The following CC2D2A variants were observed in gnomAD, a reference collection of about 807,000 sequenced individuals.
CC2D2A encodes coiled-coil and C2 domain containing 2A.
A neutral mutation model predicts 212.9 loss-of-function variants in CC2D2A; 155 were observed. That is an observed-to-expected ratio of 0.73 (90% CI 0.64 to 0.83). The LOEUF (loss-of-function observed/expected upper bound fraction) is 0.83. Ranked by LOEUF, CC2D2A falls within the 40% of genes least tolerant of loss-of-function variation. CC2D2A has a pLI of 0.00. For missense variants in CC2D2A, 1,856 were observed against 1,956.2 expected (o/e 0.95, Z 0.97); for synonymous variants, 667 against 686.5 (o/e 0.97, Z 0.44).
intron 19 of CC2D2A, among the ~76,000 whole-genome samples, chr4:15,554,735 A>G (rs985018974): frequency 6.6e-6 from 1 of 152,198 alleles, no homozygotes; most frequent in Non-Finnish European, 1.5e-5. Flanking sequence ...AGTGGGCCCC[A>G]GTGGCCTGGG....
At chr4:15,506,369 C>T (rs1418116333) in intron 6 of CC2D2A, among the ~76,000 whole-genome samples, 1 of 152,118 alleles carries the variant, frequency 6.6e-6, no homozygotes, top group Non-Finnish European at 1.5e-5. Context: ...ATTATATTAT[C>T]TGAGCATATT....
rs187003641 is a variant in CC2D2A, at chr4:15,557,482, G to A, written c.2804G>A (p.Arg935Gln). 470 of 1,607,652 alleles carry A rather than the reference G, an allele frequency of 2.9e-4. 10 individuals carry two copies. In the Admixed American group the frequency reaches 6.8e-3, roughly 23 times the overall value. ...TATAAGCAAGTTCCAGTCTATGACC[G>A]AGAAATTATGGAAAAGGTATTCCAG... is the stretch of plus-strand genomic sequence containing the variant. ...RNYKQVPVYD[R>Q]EIMEKVFQDY... Residue 935 changes from arginine to glutamine, a missense_variant, in exon 21 of 37, where the codon CGA becomes CAA. Around this residue, in one of 5 missense-constraint regions of CC2D2A, gnomAD observed 1,512 missense variants for 1,579.3 expected, o/e 0.96. Coordinates refer to ENST00000424120, the MANE Select transcript of CC2D2A (RefSeq NM_001378615.1).
At chr4:15,531,714 G>A (rs776312456) in intron 13 of CC2D2A, among the ~76,000 whole-genome samples, 17 of 151,932 alleles carry the variant, frequency 1.1e-4, no homozygotes, top group African/African-American at 3.9e-4. Flanking sequence ...TCTTTAGCTC[G>A]TATGCAAATT....
chr4:15,560,537 G>C lies in CC2D2A; in HGVS notation c.2929G>C (p.Glu977Gln). The stretch of plus-strand genomic sequence containing the variant: ...AGCTGATTTCTTTCCCCAGGTTAGA[G>C]AATCAGTGATAAATCGTTTCTTAAT... ...IVAKYLQQVRESVINRFLIAK... is the reference protein window; with the variant it reads ...IVAKYLQQVRQSVINRFLIAK... The change falls in exon 23 of 37, where the codon GAA becomes CAA. Residue 977 changes from glutamate to glutamine, a missense_variant. Transcript: ENST00000424120. 1 of 1,472,672 alleles carries C rather than the reference G, an allele frequency of 6.8e-7. No individual in the cohort carries two copies. The highest frequency in any genetic ancestry group is 9.4e-7 in the Non-Finnish European group (1 of 1,063,504). 91.2% of individuals were successfully genotyped at this position (1,472,672 alleles called of 1,614,324 possible). A position where few individuals can be genotyped will look rare whatever the true frequency, so the allele number is the denominator to read the frequency against.
chr4:15,538,903 G>C (rs1031672028), intron 16 of CC2D2A, among the ~76,000 whole-genome samples: 1 of 152,080 alleles, frequency 6.6e-6, no homozygotes, highest in African/African-American at 2.4e-5. Context: ...GGACTTGTTA[G>C]AAACATAAAC....
intron 16 of CC2D2A, among the ~76,000 whole-genome samples, chr4:15,539,737 A>C (rs1448936807): frequency 6.6e-6 from 1 of 152,218 alleles, no homozygotes; most frequent in Non-Finnish European, 1.5e-5. Flanking sequence ...ATGTGATGAC[A>C]CAGCATGCTT....
chr4:15,520,472 A>G (rs764703302), intron 11 of CC2D2A, among the ~76,000 whole-genome samples: 3 of 152,224 alleles, frequency 2.0e-5, no homozygotes, highest in Non-Finnish European at 4.4e-5. Flanking sequence ...ATTCCATTAA[A>G]CACAGATATG....
intron 4 of CC2D2A, among the ~76,000 whole-genome samples, chr4:15,489,975 ATCAATAC>A (rs1715209380): frequency 6.6e-6 from 1 of 152,126 alleles, no homozygotes; most frequent in South Asian, 2.1e-4. Context: ...TCTTGTCTTT[ATCAATAC>A]TCAATTACTG....
At chr4:15,475,793 G>A in intron 1 of CC2D2A, 122 bp from the exon 2 acceptor site, 1 of 784,362 alleles carries the variant, frequency 1.3e-6, no homozygotes, top group Non-Finnish European at 2.2e-6. Flanking sequence ...CTGGTGAGTG[G>A]AAAGTCTACC....
chr4:15,517,919 A>G (rs964429290), intron 11 of CC2D2A, among the ~76,000 whole-genome samples: 1 of 152,206 alleles, frequency 6.6e-6, no homozygotes, highest in Non-Finnish European at 1.5e-5. Context: ...ACTCCCGTTT[A>G]TAAAACCATC....
At chr4:15,528,786 G>A (rs1197236672) in intron 13 of CC2D2A, 60 bp downstream of exon 13, 3 of 1,211,372 alleles carry the variant, frequency 2.5e-6, no homozygotes, top group South Asian at 1.4e-5. Flanking sequence ...ACTTGTTAGA[G>A]TTTATTTTTC....
chr4:15,544,624 AG>A (rs1278343522), intron 17 of CC2D2A, among the ~76,000 whole-genome samples: 6 of 152,198 alleles, frequency 3.9e-5, no homozygotes, highest in Admixed American at 3.3e-4. Context: ...ACTACTACCC[AG>A]GCAGCCTGTG....
intron 29 of CC2D2A, among the ~76,000 whole-genome samples, chr4:15,574,639 G>T (rs1720317682): frequency 6.6e-6 from 1 of 152,170 alleles, no homozygotes; most frequent in Non-Finnish European, 1.5e-5. Flanking sequence ...TTCTCAATGT[G>T]AAGAAAATGA....
At chr4:15,585,231 A>G (rs1247502611) in intron 30 of CC2D2A, among the ~76,000 whole-genome samples, 2 of 152,214 alleles carry the variant, frequency 1.3e-5, no homozygotes, top group African/African-American at 4.8e-5. Context: ...TAGCCAAGAT[A>G]TGGAATCAAG....
At chr4:15,569,526 A>T (rs1720060441) in intron 27 of CC2D2A, 137 bp downstream of exon 27, 3 of 613,082 alleles carry the variant, frequency 4.9e-6, no homozygotes, top group Non-Finnish European at 8.8e-6. Flanking sequence ...GAAAGAATTC[A>T]GAGCGAGTCC....
intron 30 of CC2D2A, among the ~76,000 whole-genome samples, chr4:15,581,137 C>G (rs886326821): frequency 6.6e-6 from 1 of 152,058 alleles, no homozygotes; most frequent in Non-Finnish European, 1.5e-5. Flanking sequence ...CACTAATATA[C>G]TAATTTAGAA....
intron 29 of CC2D2A, among the ~76,000 whole-genome samples, chr4:15,578,608 T>C (rs991531014): frequency 6.6e-6 from 1 of 152,190 alleles, no homozygotes; most frequent in Non-Finnish European, 1.5e-5. Context: ...TTTCAAGCAC[T>C]GCCTCTAAAT....
intron 1 of CC2D2A, among the ~76,000 whole-genome samples, chr4:15,473,669 G>A (rs910332644): frequency 1.3e-5 from 2 of 152,312 alleles, no homozygotes; most frequent in Admixed American, 1.3e-4. Flanking sequence ...GCCCAGCAAT[G>A]TGGCAAGCTG....
intron 5 of CC2D2A, 27 bp downstream of exon 5, chr4:15,502,544 T>G: frequency 6.4e-7 from 1 of 1,564,130 alleles, no homozygotes; most frequent in Non-Finnish European, 8.7e-7. Flanking sequence ...GAATATTCTG[T>G]TCAGTGCTGA....
Sources: gnomAD v4.1 joint callset for allele counts (sites outside exome capture counted in the v4.1 genomes callset) on GRCh38, gnomAD v4.1.1 for gene constraint, gnomAD v4.1.1 regional missense constraint, MANE v1.5 for transcripts, NCBI Gene and HGNC (gene_info 2026-07-23, HGNC 2026-07-21) for gene names.